The following EEF1AKMT1 variants were observed in gnomAD, a reference collection of about 807,000 sequenced individuals.
EEF1AKMT1 encodes EEF1A lysine methyltransferase 1.
EEF1AKMT1 carries 18 observed loss-of-function variants against 21.0 expected under a neutral mutation model. The ratio of observed to expected loss-of-function variants is 0.86; its 90% CI spans 0.59 to 1.27. The LOEUF (loss-of-function observed/expected upper bound fraction) is 1.27, where lower values mean the gene tolerates loss of function less well. Ranked by LOEUF, EEF1AKMT1 falls within the 50% of genes most tolerant of loss-of-function variation. EEF1AKMT1 has a pLI of 0.00. For missense variants in EEF1AKMT1, 246 were observed against 258.6 expected, an observed-to-expected ratio of 0.95 and a Z score of 0.33; for synonymous variants, 109 against 94.8, an observed-to-expected ratio of 1.15 and a Z score of -0.87.
chr13:20,730,356 C>T (rs780453553), intron 4 of EEF1AKMT1, among the ~76,000 whole-genome samples: 2 of 152,196 alleles, frequency 1.3e-5, no homozygotes, highest in Non-Finnish European at 2.9e-5. Flanking sequence ...GGCTCCACTC[C>T]TGGCCCAGCC....
intron 2 of EEF1AKMT1, among the ~76,000 whole-genome samples, chr13:20,743,536 G>C (rs1053047852): frequency 4.0e-5 from 6 of 151,006 alleles, no homozygotes; most frequent in African/African-American, 1.2e-4. Flanking sequence ...CACCTCAAAA[G>C]TCTGGGGAGG....
intron 2 of EEF1AKMT1, among the ~76,000 whole-genome samples, chr13:20,739,899 A>G (rs1489388097): frequency 1.3e-5 from 2 of 152,254 alleles, no homozygotes; most frequent in Non-Finnish European, 2.9e-5. Context: ...GGCCACAGGC[A>G]GAGCTGCCCA....
intron 2 of EEF1AKMT1, 25 bp downstream of exon 2, chr13:20,757,430 A>C: frequency 6.2e-7 from 1 of 1,612,930 alleles, no homozygotes; most frequent in Non-Finnish European, 8.5e-7. Flanking sequence ...ATACTTCCTG[A>C]TGGCTGTGAA....
chr13:20,732,918 C>T (rs915882829), intron 3 of EEF1AKMT1, among the ~76,000 whole-genome samples: 31 of 152,140 alleles, frequency 2.0e-4, no homozygotes, highest in African/African-American at 7.2e-4. Context: ...TCACTGCAGA[C>T]AAGCTATTCT....
chr13:20,773,201 A>G (rs1428143463), intron 1 of EEF1AKMT1, among the ~76,000 whole-genome samples: 1 of 152,128 alleles, frequency 6.6e-6, no homozygotes, highest in Non-Finnish European at 1.5e-5. Context: ...AATGCTTACA[A>G]TGAAATGCAG....
chr13:20,764,406 T>C (rs2059016731), intron 1 of EEF1AKMT1, among the ~76,000 whole-genome samples: 1 of 152,238 alleles, frequency 6.6e-6, no homozygotes, highest in Non-Finnish European at 1.5e-5. Context: ...TGCTGAAGTT[T>C]GTGTAATAGC....
chr13:20,765,598 G>A (rs2059026605), intron 1 of EEF1AKMT1, among the ~76,000 whole-genome samples: 1 of 151,630 alleles, frequency 6.6e-6, no homozygotes, highest in South Asian at 2.1e-4. Context: ...TCTTTTAGTA[G>A]AGATGGGATT....
intron 2 of EEF1AKMT1, among the ~76,000 whole-genome samples, chr13:20,738,949 T>C (rs770691702): frequency 2.0e-5 from 3 of 152,216 alleles, no homozygotes; most frequent in Non-Finnish European, 4.4e-5. Context: ...TCTCACTGAC[T>C]TCAAGAATGA....
intron 4 of EEF1AKMT1, among the ~76,000 whole-genome samples, chr13:20,731,640 T>C (rs1469320149): frequency 6.6e-6 from 1 of 152,226 alleles, no homozygotes; most frequent in Non-Finnish European, 1.5e-5. Flanking sequence ...TTGGGTACTT[T>C]GTGTCACTTA....
intron 2 of EEF1AKMT1, among the ~76,000 whole-genome samples, chr13:20,742,495 A>G (rs1296761642): frequency 1.3e-5 from 2 of 152,226 alleles, no homozygotes; most frequent in Non-Finnish European, 2.9e-5. Context: ...AGATAAAAAT[A>G]TGACCATTCT....
chr13:20,731,559 T>C (rs1479191346), intron 4 of EEF1AKMT1, among the ~76,000 whole-genome samples: 1 of 152,188 alleles, frequency 6.6e-6, no homozygotes, highest in Non-Finnish European at 1.5e-5. Flanking sequence ...AAGATACCGA[T>C]AGTATTGATG....
intron 2 of EEF1AKMT1, among the ~76,000 whole-genome samples, chr13:20,749,801 T>G (rs541981744): frequency 6.6e-6 from 1 of 152,248 alleles, no homozygotes; most frequent in East Asian, 1.9e-4. Context: ...TAAAAGTTTC[T>G]AATAAAGCTA....
At chr13:20,764,824 T>C (rs1417808965) in intron 1 of EEF1AKMT1, among the ~76,000 whole-genome samples, 1 of 135,076 alleles carries the variant, frequency 7.4e-6, no homozygotes, top group Non-Finnish European at 1.7e-5. Flanking sequence ...ATAAAAGTGC[T>C]CATGCTTTTA....
At chr13:20,733,104 T>G (rs999778093) in intron 3 of EEF1AKMT1, among the ~76,000 whole-genome samples, 2 of 150,790 alleles carry the variant, frequency 1.3e-5, no homozygotes, top group Admixed American at 1.3e-4. Context: ...CTTTTTTTTT[T>G]TTTTTTTTTG....
At chr13:20,751,244 C>T (rs1595023055) in intron 2 of EEF1AKMT1, among the ~76,000 whole-genome samples, 1 of 152,080 alleles carries the variant, frequency 6.6e-6, no homozygotes, top group East Asian at 1.9e-4. Context: ...GAAATCTTTG[C>T]CTAGACCAAC....
chr13:20,765,767 A>ATT (rs1044211457), intron 1 of EEF1AKMT1, among the ~76,000 whole-genome samples: 2 of 145,294 alleles, frequency 1.4e-5, no homozygotes, highest in African/African-American at 5.0e-5. Flanking sequence ...TGTTTCTTGA[A>ATT]TTTTTTTTTT....
At position 20,762,340 on chromosome 13, in the gene EEF1AKMT1, C is replaced by G. The variant is rs182570284; in HGVS notation, c.-19-4723G>C. On this transcript the variant is annotated intron_variant, in intron 1 of 4. Transcript: ENST00000382758. ...TAGCTGGGATTACAGGCACCTGCCA[C>G]CACGCCCAGCTAAATTTTTTTGCAT... 1.6e-3 allele frequency among the ~76,000 whole-genome samples: 240 copies of G among 152,046 alleles called. 1 individual carries two copies. Among genetic ancestry groups the G allele is most frequent in the African/African-American group, 5.5e-3 (229 of 41,482 alleles).
At chr13:20,759,473 G>A (rs908895191) in intron 1 of EEF1AKMT1, among the ~76,000 whole-genome samples, 3 of 152,046 alleles carry the variant, frequency 2.0e-5, no homozygotes, top group African/African-American at 4.8e-5. Context: ...CCAGCTACCC[G>A]GGAGGCTGAG....
At chr13:20,739,772 G>A (rs1248275340) in intron 2 of EEF1AKMT1, among the ~76,000 whole-genome samples, 3 of 152,138 alleles carry the variant, frequency 2.0e-5, no homozygotes, top group African/African-American at 7.2e-5. Flanking sequence ...CAATCTTTTA[G>A]CTAGATACAG....
Sources: gnomAD v4.1 joint callset for allele counts (sites outside exome capture counted in the v4.1 genomes callset) on GRCh38, gnomAD v4.1.1 for gene constraint, MANE v1.5 for transcripts, NCBI Gene and HGNC (gene_info 2026-07-23, HGNC 2026-07-21) for gene names.